EPHA5: variants seen among roughly 807,000 people sequenced by gnomAD.
EPHA5 encodes the protein ephrin type-A receptor 5.
EPHA5 carries 60 observed loss-of-function variants against 105.0 expected under a neutral mutation model. The ratio of observed to expected loss-of-function variants is 0.57; its 90% CI spans 0.46 to 0.71. The LOEUF (loss-of-function observed/expected upper bound fraction) is 0.71. EPHA5 is among the 30% of genes least tolerant of loss of function. The pLI, the probability that EPHA5 is intolerant of heterozygous loss-of-function variation, is 0.00. For synonymous variants in EPHA5, 513 were observed against 449.1 expected (o/e 1.14, Z -1.80); for missense variants, 1,218 against 1,274.7 (o/e 0.96, Z 0.68).
intron 3 of EPHA5, among the ~76,000 whole-genome samples, chr4:65,535,250 A>C (rs2149310368): frequency 6.6e-6 from 1 of 152,244 alleles, no homozygotes; most frequent in Non-Finnish European, 1.5e-5. Flanking sequence ...ATCTTGGATA[A>C]CTTGCTCTGT....
chr4:65,348,693 TATATAA>T (rs1249752590), intron 13 of EPHA5, among the ~76,000 whole-genome samples: 18,554 of 58,368 alleles, frequency 0.32, 2,581 homozygotes, highest in East Asian at 0.48. Context: ...TATATATATA[TATATAA>T]AATATATATG....
chr4:65,485,867 C>T (rs746543365), intron 5 of EPHA5, among the ~76,000 whole-genome samples: 4 of 152,116 alleles, frequency 2.6e-5, no homozygotes, highest in Non-Finnish European at 5.9e-5. Flanking sequence ...CTAACCTTCC[C>T]TTGTTTCTTC....
intron 5 of EPHA5, among the ~76,000 whole-genome samples, chr4:65,482,509 C>A (rs1262845511): frequency 6.6e-6 from 1 of 152,044 alleles, no homozygotes; most frequent in African/African-American, 2.4e-5. Context: ...GAGTACTTTA[C>A]CACTGGAATG....
At chr4:65,399,320 C>G (rs1205132831) in intron 8 of EPHA5, among the ~76,000 whole-genome samples, 1 of 152,218 alleles carries the variant, frequency 6.6e-6, no homozygotes, top group South Asian at 2.1e-4. Context: ...AGTGGCCAGA[C>G]CCTGTGCTCA....
intron 3 of EPHA5, among the ~76,000 whole-genome samples, chr4:65,534,418 T>G (rs1736104123): frequency 6.6e-6 from 1 of 152,160 alleles, no homozygotes; most frequent in South Asian, 2.1e-4. Context: ...GATTTCCTCT[T>G]TCTATTGAAT....
Position 65,501,996 on chromosome 4 carries a change from TA to T in EPHA5, c.911-6454del, listed in dbSNP as rs543974802. On this transcript the variant is annotated intron_variant, in intron 3 of 16. Coordinates refer to ENST00000613740, the MANE Select transcript of EPHA5 (RefSeq NM_001281766.3). ...TTACAAAGCCAACAAAAATAAGCAA[TA>T]GGGGAAAAACTTCCCATTCAATAAA... is the stretch of plus-strand genomic sequence containing the variant. Among the ~76,000 whole-genome samples the T allele has an allele frequency of 8.8e-4, 134 of 151,754 alleles. 1 individual carries two copies. The highest frequency in any genetic ancestry group is 3.0e-3 in the African/African-American group (123 of 41,492).
intron 3 of EPHA5, among the ~76,000 whole-genome samples, chr4:65,557,099 A>G (rs1467701124): frequency 6.6e-6 from 1 of 151,644 alleles, no homozygotes; most frequent in East Asian, 1.9e-4. Flanking sequence ...CTGATGTTTA[A>G]CAGCATTATA....
intron 3 of EPHA5, among the ~76,000 whole-genome samples, chr4:65,578,589 C>T (rs1054993699): frequency 6.6e-6 from 1 of 152,106 alleles, no homozygotes; most frequent in African/African-American, 2.4e-5. Context: ...ACTTCTACTA[C>T]ATAAAGAATG....
intron 14 of EPHA5, among the ~76,000 whole-genome samples, chr4:65,343,512 T>C (rs1467993742): frequency 6.6e-6 from 1 of 152,154 alleles, no homozygotes; most frequent in African/African-American, 2.4e-5. Flanking sequence ...GCATCTGGAA[T>C]GTAGAGATTA....
At chr4:65,352,903 C>G in intron 12 of EPHA5, 139 bp downstream of exon 12, 1 of 404,278 alleles carries the variant, frequency 2.5e-6, no homozygotes, top group Non-Finnish European at 4.5e-6. Flanking sequence ...TATTGTGGCT[C>G]CATAAATTTC....
intron 1 of EPHA5, chr4:65,669,298 T>G: frequency 1.3e-5 from 10 of 750,452 alleles, no homozygotes; most frequent in Non-Finnish European, 1.5e-5. Flanking sequence ...TCCCCCAAGG[T>G]TTTCCACCTT....
chr4:65,425,180 T>A (rs560428267), intron 5 of EPHA5, among the ~76,000 whole-genome samples: 33 of 152,016 alleles, frequency 2.2e-4, no homozygotes, highest in African/African-American at 7.2e-4. Flanking sequence ...AAAAACTTCA[T>A]CAGATGACAC....
intron 3 of EPHA5, among the ~76,000 whole-genome samples, chr4:65,563,575 T>C (rs1459266408): frequency 6.6e-6 from 1 of 151,992 alleles, no homozygotes; most frequent in Non-Finnish European, 1.5e-5. Context: ...ATTGGCAAAA[T>C]TCTCCAGATA....
intron 5 of EPHA5, among the ~76,000 whole-genome samples, chr4:65,422,575 A>T (rs1172074068): frequency 6.6e-6 from 1 of 152,132 alleles, no homozygotes; most frequent in Non-Finnish European, 1.5e-5. Flanking sequence ...GATAGAAAAA[A>T]GTACCAAGGA....
At chr4:65,430,943 T>C (rs1310567957) in intron 5 of EPHA5, among the ~76,000 whole-genome samples, 1 of 152,138 alleles carries the variant, frequency 6.6e-6, no homozygotes, top group Non-Finnish European at 1.5e-5. Flanking sequence ...AAGCAACTTT[T>C]TATTGCACAT....
At chr4:65,634,422 A>C (rs554835634) in intron 2 of EPHA5, among the ~76,000 whole-genome samples, 1 of 152,224 alleles carries the variant, frequency 6.6e-6, no homozygotes, top group South Asian at 2.1e-4. Context: ...TCTTATATAC[A>C]GAAGCAGAGA....
chr4:65,349,657 T>G (rs370977543), intron 13 of EPHA5, among the ~76,000 whole-genome samples: 2 of 152,140 alleles, frequency 1.3e-5, no homozygotes. Context: ...GGGGTCATAC[T>G]AAAAATTATT....
intron 3 of EPHA5, among the ~76,000 whole-genome samples, chr4:65,508,836 C>A (rs919987745): frequency 3.4e-4 from 52 of 151,938 alleles, no homozygotes; most frequent in African/African-American, 1.3e-3. Context: ...AAAAAACTAT[C>A]CCTGATTGTG....
chr4:65,589,283 C>G (rs1307515634), intron 3 of EPHA5, among the ~76,000 whole-genome samples: 2 of 151,736 alleles, frequency 1.3e-5, no homozygotes, highest in Admixed American at 6.6e-5. Flanking sequence ...AAAACAAATT[C>G]TTATTCTGAA....
Sources: allele counts gnomAD v4.1 joint callset (sites outside exome capture counted in the v4.1 genomes callset), GRCh38; gene constraint gnomAD v4.1.1; transcripts MANE v1.5; gene names NCBI Gene and HGNC (gene_info 2026-07-23, HGNC 2026-07-21).